Variants in FAM20C observed in about 807,000 individuals in gnomAD.
FAM20C encodes the protein extracellular serine/threonine protein kinase FAM20C.
A neutral mutation model predicts 51.5 loss-of-function variants in FAM20C; 40 were observed. That is an observed-to-expected ratio of 0.78 (90% CI 0.60 to 1.01). The LOEUF (loss-of-function observed/expected upper bound fraction) is 1.01. FAM20C is among the 50% of genes least tolerant of loss of function. The probability of loss-of-function intolerance (pLI) is 0.00; values close to 1 mark genes in which losing one functional copy is unlikely to be tolerated. For synonymous variants in FAM20C, 406 were observed against 380.6 expected (o/e 1.07, Z -0.78); for missense variants, 861 against 844.7 (o/e 1.02, Z -0.24).
At position 256,650 on chromosome 7, in the gene FAM20C, G is replaced by T. The variant is rs778956322; in HGVS notation, c.1254-4G>T. ...GCCCCCCGTCTCACGCTGGCTCCCC[G>T]CAGGTGGGAGGTGGACCCTGACTAC... On this transcript the variant is annotated splice_polypyrimidine_tract_variant and splice_region_variant and intron_variant, in intron 6 of 9. Coordinates refer to ENST00000313766, the MANE Select transcript of FAM20C (RefSeq NM_020223.4). 1 of 1,535,162 alleles carries T rather than the reference G, an allele frequency of 6.5e-7. No individual in the cohort carries two copies. Among genetic ancestry groups the T allele is most frequent in the Non-Finnish European group, 8.7e-7 (1 of 1,146,104 alleles).
intron 4 of FAM20C, among the ~76,000 whole-genome samples, chr7:247,411 C>T (rs1788211615): frequency 6.6e-6 from 1 of 152,208 alleles, no homozygotes; most frequent in Non-Finnish European, 1.5e-5. Flanking sequence ...ACGGCCCTGA[C>T]ACGTCCCAGC....
chr7:212,550 G>C (rs1786772203), intron 3 of FAM20C, among the ~76,000 whole-genome samples: 1 of 152,114 alleles, frequency 6.6e-6, no homozygotes, highest in Admixed American at 6.5e-5. Context: ...GTGAATTAGA[G>C]AGCACAGTGT....
At chr7:222,763 T>A (rs28680906) in intron 3 of FAM20C, among the ~76,000 whole-genome samples, 70,451 of 152,024 alleles carry the variant, frequency 0.46, 16,780 homozygotes, top group South Asian at 0.61. Flanking sequence ...CATGTGCTCA[T>A]GTGTATGAGT....
intron 3 of FAM20C, among the ~76,000 whole-genome samples, chr7:244,273 C>T (rs1460725949): frequency 6.6e-6 from 1 of 152,146 alleles, no homozygotes; most frequent in Non-Finnish European, 1.5e-5. Flanking sequence ...CTGAAAGTTA[C>T]TAAAATCTAG....
At chr7:231,734 G>T (rs1207198024) in intron 3 of FAM20C, among the ~76,000 whole-genome samples, 2 of 152,208 alleles carry the variant, frequency 1.3e-5, no homozygotes. Flanking sequence ...CTGGCGGTGT[G>T]TGCAGGCTTC....
chr7:257,328 G>A (rs1788625919), intron 8 of FAM20C: 1 of 548,968 alleles, frequency 1.8e-6, no homozygotes, highest in African/African-American at 1.9e-5. Flanking sequence ...TCCCGGCAGA[G>A]CTGGTGTTAC....
At chr7:246,632 G>C in intron 4 of FAM20C, 125 bp downstream of exon 4, 2 of 431,092 alleles carry the variant, frequency 4.6e-6, no homozygotes, top group Non-Finnish European at 7.6e-6. Context: ...GGCAGCGCCG[G>C]TGCCTGCTCT....
intron 2 of FAM20C, among the ~76,000 whole-genome samples, chr7:208,059 G>A (rs1003063027): frequency 2.0e-5 from 3 of 152,222 alleles, no homozygotes; most frequent in Non-Finnish European, 4.4e-5. Flanking sequence ...TCTCCCCAAA[G>A]TCACCCTGCT....
chr7:219,812 C>A (rs982526186), intron 3 of FAM20C, among the ~76,000 whole-genome samples: 4 of 152,210 alleles, frequency 2.6e-5, no homozygotes, highest in African/African-American at 9.7e-5. Flanking sequence ...TTTTGAGGAC[C>A]AGTGAGGGAT....
chr7:210,892 G>A (rs1475727454), intron 3 of FAM20C, among the ~76,000 whole-genome samples: 2 of 152,148 alleles, frequency 1.3e-5, no homozygotes, highest in Admixed American at 6.5e-5. Context: ...GCGTCTCGTG[G>A]GCACTCGGTA....
At chr7:195,398 A>G (rs909409529) in intron 1 of FAM20C, 156 bp from the exon 2 acceptor site, 5 of 569,056 alleles carry the variant, frequency 8.8e-6, no homozygotes, top group Non-Finnish European at 1.4e-5. Context: ...GAAAGCGCAG[A>G]CGTTGCAGGG....
intron 2 of FAM20C, among the ~76,000 whole-genome samples, chr7:204,056 C>T (rs546762938): frequency 2.2e-4 from 34 of 152,370 alleles, no homozygotes; most frequent in Non-Finnish European, 3.7e-4. Context: ...AAGTCAACCA[C>T]GGTTTTACTT....
Position 242,143 on chromosome 7 carries a change from C to T in FAM20C, c.864-4272C>T, listed in dbSNP as rs894620638. 4.2e-3 allele frequency among the ~76,000 whole-genome samples: 647 copies of T among 152,240 alleles called. 4 individuals are homozygous for T. The highest frequency in any genetic ancestry group is 0.015 in the African/African-American group (615 of 41,542). ...ACTTCGCCTGCTACTGAGACGTCCA[C>T]ATCACCACACGGTGAGCTCCTGCAG... On this transcript the variant is annotated intron_variant, in intron 3 of 9. Transcript: ENST00000313766.
intron 5 of FAM20C, among the ~76,000 whole-genome samples, chr7:251,253 C>T (rs1320751469): frequency 8.0e-6 from 1 of 124,390 alleles, no homozygotes; most frequent in African/African-American, 4.2e-5. Context: ...ACTGAGTGGC[C>T]GGGCACGGTG....
rs1788420804 is a variant in FAM20C at position 252,032 on chromosome 7, A to G, written c.1072+3602A>G. Among the ~76,000 whole-genome samples, 4 of 152,334 alleles carry G rather than the reference A, an allele frequency of 2.6e-5. 1 individual carries two copies. The South Asian group carries it at 8.3e-4, about 32-fold the overall frequency. Reference sequence around the variant, plus strand: ...CTCTGTGAGCATTTGACTTTCTCTCAAGCAGCAGGGGCCCAGGAGCCCGGA... The same window carrying G: ...CTCTGTGAGCATTTGACTTTCTCTCGAGCAGCAGGGGCCCAGGAGCCCGGA... On this transcript the variant is annotated intron_variant, in intron 5 of 9. Transcript: ENST00000313766.
In FAM20C at chr7:259,829, C is replaced by T; in HGVS notation, c.1604C>T (p.Ala535Val). ...GAGTCTCTGCGGGGGGACCAGGTGG[C>T]ACCCGTGCTGTACCAGCCGCACCTG... Reference protein sequence around the residue: ...MAESLRGDQVAPVLYQPHLEA... With the variant: ...MAESLRGDQVVPVLYQPHLEA... Residue 535 changes from alanine (A) to valine (V), a missense_variant, in exon 10 of 10, where the codon GCA (alanine) becomes GTA (valine). Around this residue, in one of 3 missense-constraint regions of FAM20C, gnomAD observed 269 missense variants for 283.8 expected, o/e 0.95. Coordinates refer to ENST00000313766, the MANE Select transcript of FAM20C (RefSeq NM_020223.4). 1 of 1,536,342 alleles carries T rather than the reference C, an allele frequency of 6.5e-7. No individual in the cohort carries two copies. Among genetic ancestry groups the T allele is most frequent in the Non-Finnish European group, 8.7e-7 (1 of 1,146,890 alleles).
At chr7:228,713 C>T (rs1346294814) in intron 3 of FAM20C, 8 of 456,158 alleles carry the variant, frequency 1.8e-5, no homozygotes, top group African/African-American at 8.0e-5. Flanking sequence ...CCAGCCTCCA[C>T]GGCACCTGTG....
intron 3 of FAM20C, among the ~76,000 whole-genome samples, chr7:210,585 A>T (rs1583293179): frequency 6.6e-6 from 1 of 151,460 alleles, no homozygotes; most frequent in Non-Finnish European, 1.5e-5. Flanking sequence ...GGGGAGGCAG[A>T]CTCCCGCCTC....
At chr7:207,783 G>T (rs942099610) in intron 2 of FAM20C, among the ~76,000 whole-genome samples, 3 of 152,158 alleles carry the variant, frequency 2.0e-5, no homozygotes, top group Non-Finnish European at 4.4e-5. Flanking sequence ...GCGACCTGGA[G>T]GCCCTCGCTG....
Sources: gnomAD v4.1 joint callset for allele counts (sites outside exome capture counted in the v4.1 genomes callset) on GRCh38, gnomAD v4.1.1 for gene constraint, gnomAD v4.1.1 regional missense constraint, MANE v1.5 for transcripts, NCBI Gene and HGNC (gene_info 2026-07-23, HGNC 2026-07-21) for gene names.